The following SMYD3 variants were observed in gnomAD, a reference collection of about 807,000 sequenced individuals.
The protein encoded by SMYD3 is SET and MYND domain containing 3, also known as histone-lysine N-methyltransferase SMYD3.
A neutral mutation model predicts 57.7 loss-of-function variants in SMYD3; 36 were observed. The ratio of observed to expected loss-of-function variants is 0.62; its 90% CI spans 0.48 to 0.82. SMYD3 has a LOEUF of 0.82. Among genes scored for constraint, SMYD3 ranks in the 40% least tolerant of loss-of-function variants. SMYD3 has a pLI of 0.00. For synonymous variants in SMYD3, 211 were observed against 195.0 expected (o/e 1.08, Z -0.68); for missense variants, 515 against 538.8 (o/e 0.96, Z 0.44).
chr1:245,952,218 G>GA (rs1173400465), intron 5 of SMYD3, among the ~76,000 whole-genome samples: 8 of 152,082 alleles, frequency 5.3e-5, no homozygotes, highest in Non-Finnish European at 1.0e-4. Flanking sequence ...GTTTGAAGGG[G>GA]AAAAAATTAA....
At chr1:246,494,239 A>G (rs932232939) in intron 1 of SMYD3, among the ~76,000 whole-genome samples, 4 of 152,246 alleles carry the variant, frequency 2.6e-5, no homozygotes, top group African/African-American at 9.6e-5. Context: ...ATAATCTATC[A>G]TCTATACAAA....
chr1:246,089,252 T>C (rs1157225407), intron 5 of SMYD3, among the ~76,000 whole-genome samples: 1 of 152,136 alleles, frequency 6.6e-6, no homozygotes, highest in Non-Finnish European at 1.5e-5. Flanking sequence ...GCGCTGGGAT[T>C]ACATGTGTGA....
At chr1:245,894,622 A>G (rs1348305433) in intron 8 of SMYD3, among the ~76,000 whole-genome samples, 2 of 152,170 alleles carry the variant, frequency 1.3e-5, no homozygotes, top group East Asian at 1.9e-4. Context: ...AAGTGCCCCC[A>G]TAAGCTTTAG....
At chr1:246,479,875 C>T (rs573241601) in intron 1 of SMYD3, among the ~76,000 whole-genome samples, 2 of 151,952 alleles carry the variant, frequency 1.3e-5, no homozygotes, top group Non-Finnish European at 2.9e-5. Flanking sequence ...GTGGCTGGCA[C>T]GTAAAGTCTC....
chr1:245,905,762 A>C (rs553913832), intron 8 of SMYD3, among the ~76,000 whole-genome samples: 1 of 152,218 alleles, frequency 6.6e-6, no homozygotes, highest in Admixed American at 6.5e-5. Flanking sequence ...CTTGGGCGAG[A>C]CCCAGCACTG....
chr1:246,023,003 C>T (rs949426303), intron 5 of SMYD3, among the ~76,000 whole-genome samples: 2 of 152,134 alleles, frequency 1.3e-5, no homozygotes, highest in African/African-American at 2.4e-5. Context: ...TTAGACTGTA[C>T]GATTTTTAAG....
chr1:246,087,063 A>G (rs1349478975), intron 5 of SMYD3, among the ~76,000 whole-genome samples: 1 of 152,232 alleles, frequency 6.6e-6, no homozygotes, highest in Non-Finnish European at 1.5e-5. Context: ...GATCTCATTC[A>G]TTTTTATGGC....
chr1:245,987,789 C>G, intron 5 of SMYD3, among the ~76,000 whole-genome samples: 1 of 152,146 alleles, frequency 6.6e-6, no homozygotes. Context: ...CATGGGTGAC[C>G]CCAGTCTTAA....
intron 10 of SMYD3, among the ~76,000 whole-genome samples, chr1:245,813,077 C>T (rs1028560853): frequency 2.1e-5 from 3 of 140,714 alleles, no homozygotes; most frequent in Admixed American, 7.7e-5. Context: ...TGCAGTGGCG[C>T]GATCTCAGCT....
intron 1 of SMYD3, among the ~76,000 whole-genome samples, chr1:246,362,390 A>T (rs1228345914): frequency 6.8e-6 from 1 of 148,066 alleles, no homozygotes; most frequent in African/African-American, 2.5e-5. Flanking sequence ...AGATATTTTT[A>T]AAAACCTGAA....
At chr1:246,091,457 G>A (rs2060822118) in intron 5 of SMYD3, among the ~76,000 whole-genome samples, 1 of 146,692 alleles carries the variant, frequency 6.8e-6, no homozygotes, top group South Asian at 2.2e-4. Flanking sequence ...GAGAGAGCTG[G>A]TTTTCTTTAT....
intron 2 of SMYD3, among the ~76,000 whole-genome samples, chr1:246,347,582 T>C (rs138879614): frequency 4.6e-5 from 7 of 152,314 alleles, no homozygotes; most frequent in Non-Finnish European, 1.0e-4. Context: ...AAAACTCATG[T>C]TGAACTTTAA....
intron 5 of SMYD3, among the ~76,000 whole-genome samples, chr1:246,156,115 G>C (rs547233407): frequency 4.0e-5 from 6 of 151,894 alleles, no homozygotes; most frequent in African/African-American, 1.4e-4. Context: ...TTAACCTTTG[G>C]CTCACATACC....
intron 1 of SMYD3, among the ~76,000 whole-genome samples, chr1:246,374,162 A>C (rs972739456): frequency 1.3e-5 from 2 of 152,212 alleles, no homozygotes; most frequent in African/African-American, 4.8e-5. Flanking sequence ...CTTAAAAAAA[A>C]AATGTATCCC....
rs182113050 is a variant in SMYD3, at chr1:246,152,744, C to T, written c.531+174457G>A. On this transcript the variant is annotated intron_variant, in intron 5 of 11. Coordinates refer to ENST00000490107, the MANE Select transcript of SMYD3 (RefSeq NM_001167740.2). ...ATAAATTAACCTGGAATTAACATTACGTATTTTTGTTGTTGTTTTCAAAGA... is the reference window on the plus strand; with the variant it reads ...ATAAATTAACCTGGAATTAACATTATGTATTTTTGTTGTTGTTTTCAAAGA... Among the ~76,000 whole-genome samples the T allele has an allele frequency of 6.5e-3, 990 of 152,262 alleles. 15 individuals are homozygous for T. The highest frequency in any genetic ancestry group is 9.1e-3 in the Non-Finnish European group (620 of 68,018).
chr1:246,443,681 GA>G (rs1301187402), intron 1 of SMYD3, among the ~76,000 whole-genome samples: 5 of 152,116 alleles, frequency 3.3e-5, no homozygotes, highest in Non-Finnish European at 2.9e-5. Flanking sequence ...AAAGAATTTT[GA>G]AAAACCTTGT....
chr1:246,459,437 G>A, intron 1 of SMYD3, among the ~76,000 whole-genome samples: 1 of 149,270 alleles, frequency 6.7e-6, no homozygotes. Flanking sequence ...AGAGTTTGTG[G>A]CACGTCCCCC....
intron 5 of SMYD3, among the ~76,000 whole-genome samples, chr1:245,972,546 G>C (rs941808782): frequency 6.6e-6 from 1 of 152,206 alleles, no homozygotes; most frequent in African/African-American, 2.4e-5. Flanking sequence ...AATATTGCTA[G>C]GTGTTCACCA....
At chr1:245,842,814 G>C (rs1387692115) in intron 10 of SMYD3, among the ~76,000 whole-genome samples, 1 of 152,052 alleles carries the variant, frequency 6.6e-6, no homozygotes, top group Non-Finnish European at 1.5e-5. Flanking sequence ...GGTCAAAAGT[G>C]ATCATTCCAC....
Sources: allele counts gnomAD v4.1 joint callset (sites outside exome capture counted in the v4.1 genomes callset), GRCh38; gene constraint gnomAD v4.1.1; transcripts MANE v1.5; gene names NCBI Gene and HGNC (gene_info 2026-07-23, HGNC 2026-07-21).